AUTS2: variants seen among roughly 807,000 people sequenced by gnomAD.
AUTS2 encodes autism susceptibility gene 2 protein.
AUTS2 carries 17 observed loss-of-function variants against 112.4 expected under a neutral mutation model. That is an observed-to-expected ratio of 0.15 (90% CI 0.10 to 0.23). The LOEUF is 0.23. AUTS2 is among the 10% of genes least tolerant of loss of function. The probability of loss-of-function intolerance (pLI) is 1.00; values close to 1 mark genes in which losing one functional copy is unlikely to be tolerated. For missense variants in AUTS2, 1,510 were observed against 1,701.6 expected (o/e 0.89, Z 1.98); for synonymous variants, 751 against 702.7 (o/e 1.07, Z -1.09).
rs547157004 is a variant in AUTS2, at chr7:70,236,484, C to T, written c.660+101913C>T. 2.8e-4 allele frequency among the ~76,000 whole-genome samples: 42 copies of T among 152,214 alleles called. 1 individual carries two copies. The East Asian group carries it at 8.1e-3, about 29-fold the overall frequency. Reference sequence around the variant, plus strand: ...TTTTGATAAGCTAGGTTAATACTGTCTTCTCAATAAAAAGTACTTTTTCTT... The same window carrying T: ...TTTTGATAAGCTAGGTTAATACTGTTTTCTCAATAAAAAGTACTTTTTCTT... On this transcript the variant is annotated intron_variant, in intron 4 of 18. Transcript: ENST00000342771.
At chr7:70,358,190 A>C (rs1273904028) in intron 4 of AUTS2, among the ~76,000 whole-genome samples, 1 of 152,204 alleles carries the variant, frequency 6.6e-6, no homozygotes, top group Non-Finnish European at 1.5e-5. Flanking sequence ...TTTTCTTATC[A>C]GCCCTCACCC....
At chr7:70,107,633 T>C (rs956686222) in intron 2 of AUTS2, among the ~76,000 whole-genome samples, 3 of 148,772 alleles carry the variant, frequency 2.0e-5, no homozygotes, top group African/African-American at 7.4e-5. Flanking sequence ...TGAGCCACCA[T>C]GCCTGGCCTC....
intron 4 of AUTS2, among the ~76,000 whole-genome samples, chr7:70,396,209 C>A (rs1461665425): frequency 6.6e-6 from 1 of 152,116 alleles, no homozygotes; most frequent in South Asian, 2.1e-4. Context: ...GTCCCTTCCT[C>A]CTGCCCATTC....
In AUTS2 at chr7:69,698,833, A is replaced by G. The variant is rs186210202; in HGVS notation, c.309+98871A>G. The stretch of plus-strand genomic sequence containing the variant: ...TGCTAAAACTGCTGAGTTCTTGACT[A>G]TCTGCACTTGGGGAGGGGAAGGTTA... On this transcript the variant is annotated intron_variant, in intron 1 of 18. Transcript: ENST00000342771. Among the ~76,000 whole-genome samples the G allele has an allele frequency of 9.8e-5, 15 of 152,312 alleles. No individual in the cohort carries two copies. In the East Asian group the frequency reaches 2.7e-3, roughly 27 times the overall value.
At chr7:70,017,250 C>T (rs983432087) in intron 2 of AUTS2, among the ~76,000 whole-genome samples, 35 of 152,066 alleles carry the variant, frequency 2.3e-4, no homozygotes, top group Non-Finnish European at 4.1e-4. Context: ...CTTTGATTTC[C>T]CCATAATACA....
intron 3 of AUTS2, among the ~76,000 whole-genome samples, chr7:70,122,261 AATAG>A (rs1318555606): frequency 5.3e-5 from 8 of 152,188 alleles, no homozygotes; most frequent in African/African-American, 9.6e-5. Context: ...ATGTTTTGGA[AATAG>A]ATAGTCATGA....
intron 4 of AUTS2, among the ~76,000 whole-genome samples, chr7:70,413,953 G>A (rs1435648723): frequency 2.0e-5 from 3 of 152,146 alleles, no homozygotes; most frequent in Non-Finnish European, 4.4e-5. Flanking sequence ...GGGATTACAG[G>A]CATGAGCCAC....
At chr7:70,146,276 C>G (rs1442623513) in intron 4 of AUTS2, among the ~76,000 whole-genome samples, 1 of 151,880 alleles carries the variant, frequency 6.6e-6, no homozygotes, top group Non-Finnish European at 1.5e-5. Context: ...AAAAAAAATT[C>G]TGCTTTACTT....
chr7:70,254,512 C>T (rs1465826248), intron 4 of AUTS2, among the ~76,000 whole-genome samples: 1 of 152,204 alleles, frequency 6.6e-6, no homozygotes, highest in African/African-American at 2.4e-5. Context: ...AATGTTCTTA[C>T]TAAGCACTCA....
chr7:70,475,146 C>T lies in AUTS2; in HGVS notation c.690+39365C>T, dbSNP rs530540030. 3.9e-5 allele frequency among the ~76,000 whole-genome samples: 6 copies of T among 152,360 alleles called. No homozygotes were observed. In the South Asian group the frequency reaches 1.0e-3, roughly 26 times the overall value. On this transcript the variant is annotated intron_variant, in intron 5 of 18. Transcript: ENST00000342771. Reference sequence around the variant, plus strand: ...GGAGGGCCTCCTGTCTACACTCTCTCTGCCCCATGGCTAGAGACAGCTCAT... The same window carrying T: ...GGAGGGCCTCCTGTCTACACTCTCTTTGCCCCATGGCTAGAGACAGCTCAT...
chr7:70,249,082 T>C (rs1440191048), intron 4 of AUTS2, among the ~76,000 whole-genome samples: 2 of 152,244 alleles, frequency 1.3e-5, no homozygotes, highest in Non-Finnish European at 2.9e-5. Flanking sequence ...GATGTCATTC[T>C]AGTGTCTTCA....
intron 1 of AUTS2, among the ~76,000 whole-genome samples, chr7:69,703,989 C>A (rs970652608): frequency 6.6e-6 from 1 of 152,182 alleles, no homozygotes; most frequent in Non-Finnish European, 1.5e-5. Flanking sequence ...GAGGTCACAA[C>A]GTCCTGGCTG....
At chr7:69,769,443 A>G (rs1584218399) in intron 1 of AUTS2, among the ~76,000 whole-genome samples, 1 of 152,214 alleles carries the variant, frequency 6.6e-6, no homozygotes, top group Non-Finnish European at 1.5e-5. Context: ...TAATGTTCAC[A>G]GAGTGGGTTT....
At chr7:70,614,452 G>A (rs571900231) in intron 5 of AUTS2, among the ~76,000 whole-genome samples, 1 of 152,284 alleles carries the variant, frequency 6.6e-6, no homozygotes, top group South Asian at 2.1e-4. Context: ...TGGACTCTAG[G>A]GATGCTCACG....
chr7:70,684,700 C>T (rs1228823062), intron 5 of AUTS2, among the ~76,000 whole-genome samples: 3 of 151,860 alleles, frequency 2.0e-5, no homozygotes, highest in East Asian at 1.9e-4. Flanking sequence ...TGGGGATGGA[C>T]AGTGGGAGCA....
intron 1 of AUTS2, among the ~76,000 whole-genome samples, chr7:69,786,021 G>C (rs1486841210): frequency 6.6e-6 from 1 of 152,054 alleles, no homozygotes; most frequent in African/African-American, 2.4e-5. Flanking sequence ...TAGTAGAAAC[G>C]GGGTTTCATC....
Position 69,760,197 on chromosome 7 carries a change from CTTTTTTTT to C in AUTS2, c.310-139079_310-139072del, listed in dbSNP as rs375758180. 4.8e-3 allele frequency among the ~76,000 whole-genome samples: 583 copies of C among 121,058 alleles called. 4 individuals carry two copies. The highest frequency in any genetic ancestry group is 0.015 in the South Asian group (52 of 3,560). 79.4% of individuals were successfully genotyped at this position (121,058 alleles called of 152,430 possible). ...ATTAAAAAAAAAAAGTTCTTTTTTT[CTTTTTTTT>C]TTTTTTTTTAAATAGAGATAGGGTT... On this transcript the variant is annotated intron_variant, in intron 1 of 18. Transcript: ENST00000342771.
At chr7:70,521,574 G>A (rs1799647364) in intron 5 of AUTS2, among the ~76,000 whole-genome samples, 1 of 152,086 alleles carries the variant, frequency 6.6e-6, no homozygotes, top group Admixed American at 6.5e-5. Flanking sequence ...TCTTTACTCA[G>A]TCCTACCTAC....
At chr7:69,627,824 A>G (rs1171498160) in intron 1 of AUTS2, among the ~76,000 whole-genome samples, 1 of 152,220 alleles carries the variant, frequency 6.6e-6, no homozygotes, top group Non-Finnish European at 1.5e-5. Flanking sequence ...AAAATGGAAT[A>G]ATAGTAATGC....
Sources: allele counts gnomAD v4.1 joint callset (sites outside exome capture counted in the v4.1 genomes callset), GRCh38; gene constraint gnomAD v4.1.1; transcripts MANE v1.5; gene names NCBI Gene and HGNC (gene_info 2026-07-23, HGNC 2026-07-21).